The following CEP295 variants were observed in gnomAD, a reference collection of about 807,000 sequenced individuals.
CEP295 encodes the protein centrosomal protein 295, also known as centrosomal protein of 295 kDa.
In CEP295, 190 loss-of-function variants were observed where a neutral mutation model predicts 291.6. The observed-to-expected ratio is 0.65, with a 90% confidence interval of 0.58 to 0.73. The LOEUF (loss-of-function observed/expected upper bound fraction) is 0.73. Among genes scored for constraint, CEP295 ranks in the 30% least tolerant of loss-of-function variants. The pLI, the probability that CEP295 is intolerant of heterozygous loss-of-function variation, is 0.00. For missense variants in CEP295, 2,863 were observed against 2,949.4 expected, an observed-to-expected ratio of 0.97 and a Z score of 0.68; for synonymous variants, 993 against 1,038.8, an observed-to-expected ratio of 0.96 and a Z score of 0.85.
Position 93,692,047 on chromosome 11 carries a change from T to C in CEP295, c.1533+17T>C. ...CAGAAACAGGTAATTTGAAATTTTA[T>C]TTTTAAAGGTTTATTTTTCCCCTAG... is the stretch of plus-strand genomic sequence containing the variant. On this transcript the variant is annotated intron_variant, in intron 12 of 29. Coordinates refer to ENST00000325212, the MANE Select transcript of CEP295 (RefSeq NM_033395.2). The C allele has an allele frequency of 7.5e-7, 1 of 1,333,046 alleles. No homozygotes were observed. Among genetic ancestry groups the C allele is most frequent in the South Asian group, 1.3e-5 (1 of 75,270 alleles). 82.6% of individuals were successfully genotyped at this position (1,333,046 alleles called of 1,614,324 possible).
chr11:93,667,841 G>T, intron 3 of CEP295, 34 bp downstream of exon 3: 1 of 1,380,972 alleles, frequency 7.2e-7, no homozygotes, highest in Non-Finnish European at 9.8e-7. Flanking sequence ...CCCTGTTGTG[G>T]CAGTAATATT....
At chr11:93,711,079 TTTTA>T (rs1190312043) in intron 18 of CEP295, among the ~76,000 whole-genome samples, 1 of 152,132 alleles carries the variant, frequency 6.6e-6, no homozygotes, top group Non-Finnish European at 1.5e-5. Flanking sequence ...TTTTGCATTA[TTTTA>T]TTTGTTTCCC....
Position 93,687,879 on chromosome 11 carries a change from A to G in CEP295, c.1336+14A>G, listed in dbSNP as rs1233801800. 4.6e-6 allele frequency: 7 copies of G among 1,525,898 alleles called. No homozygotes were observed. Among genetic ancestry groups the G allele is most frequent in the African/African-American group, 2.8e-5 (2 of 72,008 alleles). 94.5% of individuals were successfully genotyped at this position (1,525,898 alleles called of 1,614,324 possible). ...GGCAGGAACAAGGTATTTCTCTCCA[A>G]GAGTCTCATTTTCTATAAACCCTTT... is the stretch of plus-strand genomic sequence containing the variant. On this transcript the variant is annotated intron_variant, in intron 10 of 29. Coordinates refer to ENST00000325212, the MANE Select transcript of CEP295 (RefSeq NM_033395.2).
chr11:93,725,739 A>G lies in CEP295; in HGVS notation c.6407A>G (p.His2136Arg), dbSNP rs1246298362. The G allele has an allele frequency of 1.3e-6, 2 of 1,551,842 alleles. No homozygotes were observed. The highest frequency in any genetic ancestry group is 2.0e-5 in the Admixed American group (1 of 50,996). Residue 2136 changes from histidine to arginine, a missense_variant, in exon 23 of 30, where the codon CAT becomes CGT. By Grantham distance (29) the His-to-Arg change is conservative (BLOSUM62 0). Coordinates refer to ENST00000325212, the MANE Select transcript of CEP295 (RefSeq NM_033395.2). ...ACAGCACTGAGGAGGACCAGCATGC[A>G]TTCTTCTCTTAACACAAGTCCGAAT... ...YFTALRRTSMHSSLNTSPNQQ... is the reference protein window; with the variant it reads ...YFTALRRTSMRSSLNTSPNQQ...
At position 93,709,967 on chromosome 11, in the gene CEP295, A is replaced by G. The variant is rs1449194015; in HGVS notation, c.5749+3070A>G. 2.0e-5 allele frequency among the ~76,000 whole-genome samples: 3 copies of G among 152,162 alleles called. No individual in the cohort carries two copies. In the East Asian group the frequency reaches 5.8e-4, roughly 29 times the overall value. On this transcript the variant is annotated intron_variant, in intron 18 of 29. Coordinates refer to ENST00000325212, the MANE Select transcript of CEP295 (RefSeq NM_033395.2). ...TTTGCTTTTGGCATATAGAAATGCTACTGGTTTTTGTATGTTGATTTTGTA... is the reference window on the plus strand; with the variant it reads ...TTTGCTTTTGGCATATAGAAATGCTGCTGGTTTTTGTATGTTGATTTTGTA...
Position 93,715,117 on chromosome 11 carries a change from G to T in CEP295, c.5750-6195G>T, listed in dbSNP as rs2135259087. 2.0e-5 allele frequency among the ~76,000 whole-genome samples: 3 copies of T among 152,286 alleles called. No homozygotes were observed. In the East Asian group the frequency reaches 5.8e-4, roughly 29 times the overall value. On this transcript the variant is annotated intron_variant, in intron 18 of 29. Coordinates refer to ENST00000325212, the MANE Select transcript of CEP295 (RefSeq NM_033395.2). Reference sequence around the variant, plus strand: ...GGCCCCGGGCAAATCCAGAGATGTTGTCCAGGAGTCAGTGCCTGGAATCGG... The same window carrying T: ...GGCCCCGGGCAAATCCAGAGATGTTTTCCAGGAGTCAGTGCCTGGAATCGG...
In CEP295 at chr11:93,729,753, CAA is replaced by C; in HGVS notation, c.7542_7543del (p.Lys2514AsnfsTer3). On this transcript the variant is annotated frameshift_variant, in exon 27 of 30. Transcript: ENST00000325212. LOFTEE classifies it high-confidence loss of function. ...TTCATGTCTCTGAAAATTCTCAAAT[CAA>C]AACAGTTAAAGAGAAACCATCTATA... ...KIHVSENSQI[K>X]TVKEKPSISS... 6.5e-7 allele frequency: 1 copy of C among 1,548,224 alleles called. No individual in the cohort carries two copies. The highest frequency in any genetic ancestry group is 2.0e-5 in the Admixed American group (1 of 50,622).
intron 1 of CEP295, among the ~76,000 whole-genome samples, chr11:93,662,799 C>T (rs1335923385): frequency 1.3e-5 from 2 of 152,192 alleles, no homozygotes; most frequent in Non-Finnish European, 1.5e-5. Flanking sequence ...ACTCTGTCTT[C>T]ATGAGATATT....
At position 93,698,165 on chromosome 11, in the gene CEP295, A is replaced by G; in HGVS notation, c.3253A>G (p.Arg1085Gly). 1 of 1,552,168 alleles carries G rather than the reference A, an allele frequency of 6.4e-7. No homozygotes were observed. Among genetic ancestry groups the G allele is most frequent in the Non-Finnish European group, 8.7e-7 (1 of 1,147,092 alleles). The change falls in exon 15 of 30, where the codon AGA becomes GGA. Residue 1085 changes from arginine to glycine, a missense_variant. Physicochemically the swap from Arg to Gly is moderately radical, Grantham distance 125. This residue lies in a region of CEP295 where 2,295 missense variants were observed against 2,335.7 expected (regional missense o/e 0.98). Transcript: ENST00000325212. ...AGCTCAGGTGGAATTACTTTTACAT[A>G]GACAAAGAGATTTGGGGGACAGTAA... ...HEAQVELLLH[R>G]QRDLGDSKSG...
At chr11:93,729,221 T>A in intron 25 of CEP295, 1 of 590,400 alleles carries the variant, frequency 1.7e-6, no homozygotes, top group East Asian at 2.8e-5. Flanking sequence ...CAGTGGAGCC[T>A]AAGCCCAGTT....
At chr11:93,715,400 C>G (rs111698744) in intron 18 of CEP295, among the ~76,000 whole-genome samples, 7 of 152,186 alleles carry the variant, frequency 4.6e-5, no homozygotes, top group African/African-American at 1.4e-4. Flanking sequence ...TCCTCTCTGA[C>G]CCAGGGTAGG....
chr11:93,711,381 G>A (rs1952884900), intron 18 of CEP295, among the ~76,000 whole-genome samples: 1 of 152,160 alleles, frequency 6.6e-6, no homozygotes. Context: ...GGAGCATACT[G>A]TTTAACTTCC....
chr11:93,683,451 A>G (rs768494061), intron 7 of CEP295, 108 bp from the exon 8 acceptor site: 6 of 721,584 alleles, frequency 8.3e-6, no homozygotes, highest in Non-Finnish European at 1.3e-5. Flanking sequence ...AATAGAGGAG[A>G]GGAGAGAAGC....
intron 7 of CEP295, 98 bp downstream of exon 7, chr11:93,679,650 G>A: frequency 1.7e-5 from 17 of 1,026,682 alleles, no homozygotes; most frequent in Non-Finnish European, 2.2e-5. Flanking sequence ...TAGGAAGGGT[G>A]GGTGTTCAAT....
rs896591689 is a variant in CEP295, at chr11:93,697,571, G to A, written c.2659G>A (p.Val887Ile). 1.0e-5 allele frequency: 16 copies of A among 1,551,598 alleles called. No homozygotes were observed. The East Asian group carries it at 2.2e-4, about 21-fold the overall frequency. The part of the protein sequence containing the change: ...KEVEQQTGLS[V>I]FLPLVTPDSS... ...AGTGGAACAGCAAACGGGCCTCTCG[G>A]TATTCCTTCCCTTGGTAACTCCAGA... The change falls in exon 15 of 30, where the codon GTA (valine) becomes ATA (isoleucine). Residue 887 changes from valine to isoleucine, a missense_variant. This residue lies in a region of CEP295 where 2,295 missense variants were observed against 2,335.7 expected (regional missense o/e 0.98). Transcript: ENST00000325212.
At chr11:93,718,964 C>T (rs936501435) in intron 18 of CEP295, among the ~76,000 whole-genome samples, 7 of 152,094 alleles carry the variant, frequency 4.6e-5, no homozygotes, top group African/African-American at 7.2e-5. Context: ...AAAAATTAGC[C>T]GGGCTTGGTG....
chr11:93,664,947 A>G (rs1331863239), intron 1 of CEP295, among the ~76,000 whole-genome samples: 2 of 152,224 alleles, frequency 1.3e-5, no homozygotes, highest in African/African-American at 4.8e-5. Flanking sequence ...AGAAAGAGCA[A>G]ACTGTAATTG....
At chr11:93,715,289 A>G (rs1469459006) in intron 18 of CEP295, among the ~76,000 whole-genome samples, 10 of 152,082 alleles carry the variant, frequency 6.6e-5, no homozygotes, top group Non-Finnish European at 2.9e-5. Flanking sequence ...GGAGAGTACT[A>G]TCATGGTACC....
intron 5 of CEP295, among the ~76,000 whole-genome samples, chr11:93,671,309 T>TA (rs1035926253): frequency 6.6e-6 from 1 of 152,204 alleles, no homozygotes; most frequent in Non-Finnish European, 1.5e-5. Context: ...TCTCTTTTGT[T>TA]ACTATCACTG....
Sources: allele counts gnomAD v4.1 joint callset (sites outside exome capture counted in the v4.1 genomes callset), GRCh38; gene constraint gnomAD v4.1.1; regional missense constraint gnomAD v4.1.1; transcripts MANE v1.5; gene names NCBI Gene and HGNC (gene_info 2026-07-23, HGNC 2026-07-21).